KRT78: variants seen among roughly 807,000 people sequenced by gnomAD.
KRT78 encodes the protein keratin 78.
A neutral mutation model predicts 51.4 loss-of-function variants in KRT78; 55 were observed. The observed-to-expected ratio is 1.07, with a 90% CI of 0.86 to 1.34. The LOEUF (loss-of-function observed/expected upper bound fraction) is 1.34, where lower values mean the gene tolerates loss of function less well. Among genes scored for constraint, KRT78 ranks in the 40% most tolerant of loss-of-function variants. The pLI, the probability that KRT78 is intolerant of heterozygous loss-of-function variation, is 0.00. For missense variants in KRT78, 652 were observed against 649.4 expected, an observed-to-expected ratio of 1.00 and a Z score of -0.04; for synonymous variants, 291 against 264.3, an observed-to-expected ratio of 1.10 and a Z score of -0.98.
In KRT78 at chr12:52,841,930, C is replaced by A. The variant is rs187195062; in HGVS notation, c.1048-1946G>T. The stretch of plus-strand genomic sequence containing the variant: ...CTCTCAAGACCACATGCTTCAGAAC[C>A]AGCTGGGCAACCTCATTTAAAAAGC... On this transcript the variant is annotated intron_variant, in intron 6 of 8. Coordinates refer to ENST00000304620, the MANE Select transcript of KRT78 (RefSeq NM_173352.4). 4.2e-3 allele frequency among the ~76,000 whole-genome samples: 641 copies of A among 152,330 alleles called. 11 individuals are homozygous for A. Among genetic ancestry groups the A allele is most frequent in the African/African-American group, 0.014 (590 of 41,558 alleles).
At position 52,841,411 on chromosome 12, in the gene KRT78, C is replaced by T. The variant is rs757469718; in HGVS notation, c.1048-1427G>A. On this transcript the variant is annotated intron_variant, in intron 6 of 8. Coordinates refer to ENST00000304620, the MANE Select transcript of KRT78 (RefSeq NM_173352.4). ...CTGAGGTAGGAGAATCGCTTGAACC[C>T]GGGAGGCGGAGGTTGCAGTGAGCCG... 2.1e-4 allele frequency among the ~76,000 whole-genome samples: 31 copies of T among 150,922 alleles called. 1 individual carries two copies. The highest frequency in any genetic ancestry group is 7.4e-5 in the Non-Finnish European group (5 of 67,840).
At chr12:52,844,788 G>A in intron 4 of KRT78, 65 bp from the exon 5 acceptor site, 1 of 1,467,614 alleles carries the variant, frequency 6.8e-7, no homozygotes, top group East Asian at 2.3e-5. Flanking sequence ...AGCCTAGGAT[G>A]GTTGAGCAGG....
At position 52,847,770 on chromosome 12, in the gene KRT78, G is replaced by A. The variant is rs962190353; in HGVS notation, c.599+137C>T. On this transcript the variant is annotated intron_variant, in intron 2 of 8. Coordinates refer to ENST00000304620, the MANE Select transcript of KRT78 (RefSeq NM_173352.4). ...GGGCACCTGAGAGCCTGGGGAATGGGGACGCGGAGGGGTAGAGGGGAGGCC... is the reference window on the plus strand; with the variant it reads ...GGGCACCTGAGAGCCTGGGGAATGGAGACGCGGAGGGGTAGAGGGGAGGCC... 4 of 682,646 alleles carry A rather than the reference G, an allele frequency of 5.9e-6. No individual in the cohort carries two copies. In the Admixed American group the frequency reaches 1.0e-4, roughly 17 times the overall value. The allele number at this position is 682,646 out of a possible 1,614,324, so 42.3% of individuals were successfully genotyped here.
chr12:52,847,630 G>A (rs956868201), intron 2 of KRT78, among the ~76,000 whole-genome samples: 3 of 152,218 alleles, frequency 2.0e-5, no homozygotes, highest in African/African-American at 4.8e-5. Flanking sequence ...AGCCTTGACC[G>A]GAAACATGGG....
Position 52,846,260 on chromosome 12 carries a change from C to T in KRT78, c.693G>A (p.Glu231=), listed in dbSNP as rs750487613. ...DVDGVFLSKM[E]LEGKLEALRE... is the part of the protein sequence containing the mutation. ...TCAGAGCCTCCAGCTTGCCCTCCAA[C>T]TCCATCTTGCTCAGGAAAACCCCAT... The change falls in exon 4 of 9, where the codon GAG becomes GAA. Residue 231 remains glutamate, a synonymous_variant. Transcript: ENST00000304620. The T allele has an allele frequency of 2.5e-6, 4 of 1,613,848 alleles. No homozygotes were observed. Among genetic ancestry groups the T allele is most frequent in the Non-Finnish European group, 3.4e-6 (4 of 1,179,786 alleles).
At chr12:52,848,193 T>A (rs1474328868) in intron 1 of KRT78, 72 bp from the exon 2 acceptor site, 1 of 1,569,514 alleles carries the variant, frequency 6.4e-7, no homozygotes, top group South Asian at 1.2e-5. Context: ...AAGTAAAGCC[T>A]GAGGGACCCT....
chr12:52,839,018 G>T lies in KRT78; in HGVS notation c.*95C>A, dbSNP rs1940409409. On this transcript the variant is annotated 3_prime_UTR_variant, in exon 9 of 9. Transcript: ENST00000304620. ...GCAGCATCCGCTGTGGGCTGGCTTG[G>T]GCTGTGGGCAGCGGACACGGAGTTG... 1 of 1,441,118 alleles carries T rather than the reference G, an allele frequency of 6.9e-7. No homozygotes were observed. Among genetic ancestry groups the T allele is most frequent in the African/African-American group, 1.4e-5 (1 of 71,636 alleles). The allele number at this position is 1,441,118 out of a possible 1,614,324, so 89.3% of individuals were successfully genotyped here.
intron 6 of KRT78, among the ~76,000 whole-genome samples, chr12:52,842,937 A>AGAG (rs1565698617): frequency 1.5e-4 from 16 of 103,698 alleles, no homozygotes; most frequent in East Asian, 1.2e-3. Context: ...GAAAGAAAGA[A>AGAG]AGAGAGAGAG....
At chr12:52,843,968 C>A in intron 6 of KRT78, 125 bp downstream of exon 6, 2 of 1,145,620 alleles carry the variant, frequency 1.7e-6, no homozygotes, top group East Asian at 2.5e-5. Flanking sequence ...AAAGCTCCAG[C>A]CAGTTATCAA....
rs116366112 is a variant in KRT78 at position 52,848,617 on chromosome 12, T to C, written c.314A>G (p.Gln105Arg). The C allele has an allele frequency of 4.1e-4, 662 of 1,614,082 alleles. 2 individuals are homozygous for C. The African/African-American group carries it at 7.5e-3, about 18-fold the overall frequency. ...PLKIEIDPQF[Q>R]VVRTQETQEI... The stretch of plus-strand genomic sequence containing the variant: ...CTGGGTCTCCTGCGTCCGCACCACC[T>C]GGAACTGGGGATCGATCTCAATCTT... Residue 105 changes from glutamine (Q) to arginine (R), a missense_variant, in exon 1 of 9, where the codon CAG becomes CGG. Gln to Arg is a conservative substitution (Grantham distance 43). Coordinates refer to ENST00000304620, the MANE Select transcript of KRT78 (RefSeq NM_173352.4).
At chr12:52,844,360 C>T in intron 5 of KRT78, 142 bp from the exon 6 acceptor site, 1 of 1,204,050 alleles carries the variant, frequency 8.3e-7, no homozygotes. Context: ...GATATACTTC[C>T]AGAAGTCCAA....
At position 52,838,970 on chromosome 12, in the gene KRT78, G is replaced by A. The variant is rs1940407898; in HGVS notation, c.*143C>T. ...GCACTTAGAGCATTCAGAACAGCAG[G>A]AGGGGAGACTTTATTGATTTTTGCA... is the stretch of plus-strand genomic sequence containing the variant. On this transcript the variant is annotated 3_prime_UTR_variant, in exon 9 of 9. Coordinates refer to ENST00000304620, the MANE Select transcript of KRT78 (RefSeq NM_173352.4). The A allele has an allele frequency of 1.1e-6, 1 of 948,264 alleles. No individual in the cohort carries two copies. The highest frequency in any genetic ancestry group is 1.6e-6 in the Non-Finnish European group (1 of 643,498). 58.7% of individuals were successfully genotyped at this position (948,264 alleles called of 1,614,324 possible). A position where few individuals can be genotyped will look rare whatever the true frequency, so the allele number is the denominator to read the frequency against.
rs570002279 is a variant in KRT78, at chr12:52,845,280, A to ATAGGCATGGGCAC, written c.757-558_757-557insGTGCCCATGCCTA. ...CTCAGCCTCCCAAAGTGCTGGGATT[A>ATAGGCATGGGCAC]TAGGCATGAGCCACCGTGCCCAGCC... On this transcript the variant is annotated intron_variant, in intron 4 of 8. Transcript: ENST00000304620. Among the ~76,000 whole-genome samples the ATAGGCATGGGCAC allele has an allele frequency of 3.8e-4, 58 of 152,184 alleles. No individual in the cohort carries two copies. The South Asian group carries it at 0.011, about 29-fold the overall frequency.
At chr12:52,842,961 GGA>G (rs1338795204) in intron 6 of KRT78, among the ~76,000 whole-genome samples, 375 of 28,750 alleles carry the variant, frequency 0.013, no homozygotes, top group African/African-American at 0.024. Flanking sequence ...GAGAGAGAGA[GGA>G]AGGAAGGAAG....
chr12:52,839,011 T>C lies in KRT78; in HGVS notation c.*102A>G. On this transcript the variant is annotated 3_prime_UTR_variant, in exon 9 of 9. Transcript: ENST00000304620. The stretch of plus-strand genomic sequence containing the variant: ...GATTTTTGCAGCATCCGCTGTGGGC[T>C]GGCTTGGGCTGTGGGCAGCGGACAC... The C allele has an allele frequency of 7.3e-7, 1 of 1,370,608 alleles. No individual in the cohort carries two copies. The highest frequency in any genetic ancestry group is 9.9e-7 in the Non-Finnish European group (1 of 1,008,486). 84.9% of individuals were successfully genotyped at this position (1,370,608 alleles called of 1,614,324 possible).
chr12:52,842,926 GGAAA>G (rs1162915670), intron 6 of KRT78, among the ~76,000 whole-genome samples: 38 of 123,620 alleles, frequency 3.1e-4, no homozygotes, highest in African/African-American at 1.2e-3. Context: ...AAGAAAGAAA[GGAAA>G]GAAAGAAAGA....
intron 6 of KRT78, 136 bp from the exon 7 acceptor site, chr12:52,840,120 TACCAACACC>T (rs2120386179): frequency 1.6e-6 from 1 of 632,486 alleles, no homozygotes; most frequent in East Asian, 2.8e-5. Flanking sequence ...TGGCCGTCTG[TACCAACACC>T]ACCCCTGCAA....
At position 52,842,950 on chromosome 12, in the gene KRT78, AGAGAGAGAGAGGAAGG is replaced by A. The variant is rs1490057370; in HGVS notation, c.1047+1127_1047+1142del. 1.0e-3 allele frequency among the ~76,000 whole-genome samples: 112 copies of A among 110,832 alleles called. 2 individuals are homozygous for A. The East Asian group carries it at 0.024, about 24-fold the overall frequency. 72.7% of individuals were successfully genotyped at this position (110,832 alleles called of 152,430 possible). A position where few individuals can be genotyped will look rare whatever the true frequency, so the allele number is the denominator to read the frequency against. On this transcript the variant is annotated intron_variant, in intron 6 of 8. Coordinates refer to ENST00000304620, the MANE Select transcript of KRT78 (RefSeq NM_173352.4). ...AGGAAAGAAAGAAAGAGAGAGAGAG[AGAGAGAGAGAGGAAGG>A]AAGGAAGGAAGGAAGGAAGGAAGGA...
Position 52,848,677 on chromosome 12 carries a change from TC to T in KRT78, c.253del (p.Glu85LysfsTer2). 6.2e-7 allele frequency: 1 copy of T among 1,613,752 alleles called. No homozygotes were observed. The highest frequency in any genetic ancestry group is 8.5e-7 in the Non-Finnish European group (1 of 1,179,840). On this transcript the variant is annotated frameshift_variant, in exon 1 of 9. Transcript: ENST00000304620. LOFTEE classifies it high-confidence loss of function. ...CAGCAGATTCTGGTTGATGGTCACT[TC>T]TTGGATGCCCCCCGGAGGGCACAGG... ...LSLCPPGGIQ[E>X]VTINQNLLTP...
Sources: allele counts gnomAD v4.1 joint callset (sites outside exome capture counted in the v4.1 genomes callset), GRCh38; gene constraint gnomAD v4.1.1; transcripts MANE v1.5; gene names NCBI Gene and HGNC (gene_info 2026-07-23, HGNC 2026-07-21).